CADPS2: variants seen among roughly 807,000 people sequenced by gnomAD.
The protein encoded by CADPS2 is calcium dependent secretion activator 2.
A neutral mutation model predicts 172.5 loss-of-function variants in CADPS2; 93 were observed. The ratio of observed to expected loss-of-function variants is 0.54; its 90% CI spans 0.46 to 0.64. The LOEUF (loss-of-function observed/expected upper bound fraction) is 0.64. Among genes scored for constraint, CADPS2 ranks in the 30% least tolerant of loss-of-function variants. The probability of loss-of-function intolerance (pLI) is 0.00; values close to 1 mark genes in which losing one functional copy is unlikely to be tolerated. For missense variants in CADPS2, 1,420 were observed against 1,565.9 expected (o/e 0.91, Z 1.57); for synonymous variants, 546 against 555.2 (o/e 0.98, Z 0.23).
intron 2 of CADPS2, chr7:122,681,525 C>T (rs1472151489): frequency 4.1e-6 from 6 of 1,461,070 alleles, no homozygotes; most frequent in Non-Finnish European, 3.8e-6. Context: ...GTATGTGAAG[C>T]TACATTACTG....
chr7:122,809,541 T>C (rs1371464751), intron 1 of CADPS2, among the ~76,000 whole-genome samples: 6 of 150,688 alleles, frequency 4.0e-5, no homozygotes, highest in East Asian at 2.0e-4. Flanking sequence ...GATCGTGCCA[T>C]TGCACTCCAG....
chr7:122,562,808 T>A (rs1185352421), intron 7 of CADPS2, among the ~76,000 whole-genome samples: 1 of 152,152 alleles, frequency 6.6e-6, no homozygotes, highest in Non-Finnish European at 1.5e-5. Context: ...GTAAAAAATA[T>A]TTTGAAATGC....
At chr7:122,789,661 A>AT (rs1191834342) in intron 1 of CADPS2, among the ~76,000 whole-genome samples, 1 of 152,234 alleles carries the variant, frequency 6.6e-6, no homozygotes, top group African/African-American at 2.4e-5. Context: ...AAATATGTAC[A>AT]TTTAACAAAT....
chr7:122,719,478 G>C (rs924641336), intron 2 of CADPS2, among the ~76,000 whole-genome samples: 1 of 152,118 alleles, frequency 6.6e-6, no homozygotes, highest in African/African-American at 2.4e-5. Context: ...ACGCCAATTT[G>C]AAAAACAAAG....
At chr7:122,458,999 A>G (rs1231336574) in intron 14 of CADPS2, among the ~76,000 whole-genome samples, 1 of 152,070 alleles carries the variant, frequency 6.6e-6, no homozygotes, top group African/African-American at 2.4e-5. Flanking sequence ...CATATATATC[A>G]TACTATGAGA....
chr7:122,843,442 A>G (rs776545459), intron 1 of CADPS2, among the ~76,000 whole-genome samples: 1 of 152,220 alleles, frequency 6.6e-6, no homozygotes, highest in Non-Finnish European at 1.5e-5. Flanking sequence ...CTGTCTGTCA[A>G]AAAGCTATAA....
At chr7:122,671,099 T>G (rs1472412904) in intron 2 of CADPS2, among the ~76,000 whole-genome samples, 1 of 152,168 alleles carries the variant, frequency 6.6e-6, no homozygotes, top group African/African-American at 2.4e-5. Context: ...TCGTACGCTG[T>G]TACAGGACCT....
intron 6 of CADPS2, among the ~76,000 whole-genome samples, chr7:122,611,319 G>GA (rs34549745): frequency 0.15 from 23,274 of 151,762 alleles, 2,007 homozygotes; most frequent in African/African-American, 0.23. Flanking sequence ...GATGGGCTAA[G>GA]AAAAAAGAAA....
intron 3 of CADPS2, among the ~76,000 whole-genome samples, chr7:122,638,214 C>A (rs529174080): frequency 9.9e-5 from 15 of 152,264 alleles, no homozygotes; most frequent in Middle Eastern, 3.4e-3. Flanking sequence ...GTAGACAAGA[C>A]TATACCCTTT....
chr7:122,459,891 T>G (rs879646111), intron 14 of CADPS2, among the ~76,000 whole-genome samples: 3 of 152,114 alleles, frequency 2.0e-5, no homozygotes, highest in African/African-American at 7.2e-5. Context: ...AAATAAAAAT[T>G]AGACAATAAG....
chr7:122,608,275 CTCTAG>C (rs1430890174), intron 6 of CADPS2, among the ~76,000 whole-genome samples: 5 of 151,468 alleles, frequency 3.3e-5, no homozygotes, highest in Non-Finnish European at 7.4e-5. Flanking sequence ...CATATTTTAT[CTCTAG>C]TCTATAAGAG....
intron 8 of CADPS2, among the ~76,000 whole-genome samples, chr7:122,518,394 G>A (rs189705039): frequency 6.6e-6 from 1 of 152,078 alleles, no homozygotes; most frequent in Non-Finnish European, 1.5e-5. Context: ...TAATGGAAAT[G>A]GCATTAATTT....
At chr7:122,527,617 AGTGTGTGTGTGTGT>A (rs59653845) in intron 8 of CADPS2, among the ~76,000 whole-genome samples, 3 of 83,802 alleles carry the variant, frequency 3.6e-5, no homozygotes, top group Non-Finnish European at 5.2e-5. Flanking sequence ...AGAGAGAGAG[AGTGTGTGTGTGTGT>A]GTGTGTGTGT....
chr7:122,526,168 C>A (rs1434469717), intron 8 of CADPS2, among the ~76,000 whole-genome samples: 1 of 143,630 alleles, frequency 7.0e-6, no homozygotes, highest in Non-Finnish European at 1.5e-5. Context: ...GTGTTGATAT[C>A]CTTTGATACA....
intron 8 of CADPS2, among the ~76,000 whole-genome samples, chr7:122,514,583 G>C (rs1190472391): frequency 6.6e-6 from 1 of 152,028 alleles, no homozygotes; most frequent in East Asian, 1.9e-4. Flanking sequence ...CTTGGGAGAT[G>C]ATCTTCTTGT....
intron 25 of CADPS2, among the ~76,000 whole-genome samples, chr7:122,366,262 G>A (rs17144341): frequency 0.15 from 22,812 of 151,616 alleles, 1,741 homozygotes; most frequent in African/African-American, 0.16. Flanking sequence ...TGAACTAGGA[G>A]AAAATAGGTT....
intron 2 of CADPS2, among the ~76,000 whole-genome samples, chr7:122,704,127 T>C (rs1354263444): frequency 5.3e-5 from 8 of 152,062 alleles, no homozygotes; most frequent in Non-Finnish European, 4.4e-5. Context: ...GTGTGAAAAA[T>C]GGACATGAAC....
chr7:122,876,013 T>G (rs1280217097), intron 1 of CADPS2, among the ~76,000 whole-genome samples: 1 of 151,836 alleles, frequency 6.6e-6, no homozygotes, highest in Admixed American at 6.6e-5. Context: ...AGTTAACAGA[T>G]ATAACTTAAA....
chr7:122,736,303 T>A (rs2092145104), intron 2 of CADPS2, among the ~76,000 whole-genome samples: 1 of 152,192 alleles, frequency 6.6e-6, no homozygotes, highest in Admixed American at 6.5e-5. Context: ...TGAAAGGTGT[T>A]GAGTACCTGC....
Sources: allele counts gnomAD v4.1 joint callset (sites outside exome capture counted in the v4.1 genomes callset), GRCh38; gene constraint gnomAD v4.1.1; transcripts MANE v1.5; gene names NCBI Gene and HGNC (gene_info 2026-07-23, HGNC 2026-07-21).